The following CDH9 variants were observed in gnomAD, a reference collection of about 807,000 sequenced individuals.
CDH9 encodes the protein cadherin-9.
CDH9 carries 28 observed loss-of-function variants against 70.9 expected under a neutral mutation model. The ratio of observed to expected loss-of-function variants is 0.40; its 90% CI spans 0.29 to 0.54. The LOEUF is 0.54. CDH9 is among the 20% of genes least tolerant of loss of function. The pLI, the probability that CDH9 is intolerant of heterozygous loss-of-function variation, is 0.59. For synonymous variants in CDH9, 409 were observed against 343.1 expected (o/e 1.19, Z -2.12); for missense variants, 874 against 984.4 (o/e 0.89, Z 1.50).
At chr5:27,003,857 T>A (rs967563225) in intron 1 of CDH9, among the ~76,000 whole-genome samples, 7 of 151,812 alleles carry the variant, frequency 4.6e-5, no homozygotes, top group Non-Finnish European at 1.0e-4. Context: ...AACTATAAAG[T>A]TTAAATATAA....
At chr5:27,004,777 A>T (rs1006077712) in intron 1 of CDH9, among the ~76,000 whole-genome samples, 7 of 152,160 alleles carry the variant, frequency 4.6e-5, no homozygotes, top group African/African-American at 1.7e-4. Flanking sequence ...TCCAAGTGGA[A>T]ATAATAACTC....
intron 2 of CDH9, among the ~76,000 whole-genome samples, chr5:26,955,721 C>T (rs1036152736): frequency 5.3e-5 from 8 of 152,054 alleles, no homozygotes; most frequent in African/African-American, 1.9e-4. Flanking sequence ...ATTTAGGAGC[C>T]ATCATTCATC....
intron 7 of CDH9, among the ~76,000 whole-genome samples, chr5:26,897,324 C>G (rs947185917): frequency 6.6e-6 from 1 of 151,996 alleles, no homozygotes; most frequent in Non-Finnish European, 1.5e-5. Context: ...TTTTATGAGG[C>G]CAGCATCTTT....
chr5:27,024,896 A>C (rs1227372964), intron 1 of CDH9, among the ~76,000 whole-genome samples: 2 of 152,114 alleles, frequency 1.3e-5, no homozygotes, highest in Non-Finnish European at 2.9e-5. Flanking sequence ...TAGGAGACAT[A>C]GAGTTAGCAC....
rs544960513 is a variant in CDH9 at position 27,034,580 on chromosome 5, T to C, written c.-50+3883A>G. On this transcript the variant is annotated intron_variant, in intron 1 of 11. Coordinates refer to ENST00000231021, the MANE Select transcript of CDH9 (RefSeq NM_016279.4). Reference sequence around the variant, plus strand: ...ATAAATAAATAATACATCTCTCTCTTACACACACACACACACGCACACAGA... The same window carrying C: ...ATAAATAAATAATACATCTCTCTCTCACACACACACACACACGCACACAGA... 1.3e-3 allele frequency among the ~76,000 whole-genome samples: 199 copies of C among 149,994 alleles called. 1 individual carries two copies. Among genetic ancestry groups the C allele is most frequent in the African/African-American group, 4.8e-3 (197 of 41,136 alleles).
At chr5:26,909,132 C>T (rs995189293) in intron 3 of CDH9, among the ~76,000 whole-genome samples, 7 of 151,526 alleles carry the variant, frequency 4.6e-5, no homozygotes, top group Non-Finnish European at 7.4e-5. Flanking sequence ...TACAGGTGCC[C>T]GCCACCAAGC....
chr5:26,952,133 T>A (rs1320964251), intron 2 of CDH9, among the ~76,000 whole-genome samples: 2 of 150,828 alleles, frequency 1.3e-5, no homozygotes, highest in South Asian at 4.2e-4. Flanking sequence ...CTGGCTAATT[T>A]TTGTATTTTT....
chr5:27,019,599 C>G (rs1258494613), intron 1 of CDH9, among the ~76,000 whole-genome samples: 1 of 151,748 alleles, frequency 6.6e-6, no homozygotes, highest in Admixed American at 6.6e-5. Flanking sequence ...ATGCTGAAAT[C>G]AAGCTCATGG....
intron 1 of CDH9, among the ~76,000 whole-genome samples, chr5:26,989,714 A>C (rs772562772): frequency 3.3e-5 from 5 of 152,096 alleles, no homozygotes; most frequent in Non-Finnish European, 7.4e-5. Flanking sequence ...TACCTTGTTT[A>C]AGCCAGAAAC....
chr5:26,908,682 C>T (rs985094694), intron 3 of CDH9, among the ~76,000 whole-genome samples: 5 of 152,020 alleles, frequency 3.3e-5, no homozygotes, highest in Admixed American at 1.3e-4. Flanking sequence ...TACGCAAGGA[C>T]GCTTAACAAA....
intron 2 of CDH9, among the ~76,000 whole-genome samples, chr5:26,956,997 A>T (rs1448203737): frequency 1.1e-5 from 1 of 88,096 alleles, no homozygotes. Context: ...TTGTCTTTCC[A>T]TGTGCTTTTT....
intron 3 of CDH9, among the ~76,000 whole-genome samples, chr5:26,912,816 C>A (rs2112001786): frequency 6.6e-6 from 1 of 152,168 alleles, no homozygotes; most frequent in Admixed American, 6.5e-5. Flanking sequence ...AATTGTGACT[C>A]CCACAATTCC....
chr5:26,912,640 T>C (rs1200793006), intron 3 of CDH9, among the ~76,000 whole-genome samples: 4 of 151,978 alleles, frequency 2.6e-5, no homozygotes, highest in Admixed American at 6.6e-5. Context: ...AAGATACTAA[T>C]TTACAGGAGT....
intron 1 of CDH9, among the ~76,000 whole-genome samples, chr5:26,996,784 A>C (rs925852906): frequency 1.3e-5 from 2 of 151,618 alleles, no homozygotes; most frequent in Admixed American, 6.6e-5. Flanking sequence ...ATATAGATAT[A>C]GATATGGATA....
chr5:27,016,678 A>G (rs569975372), intron 1 of CDH9, among the ~76,000 whole-genome samples: 1 of 151,978 alleles, frequency 6.6e-6, no homozygotes, highest in East Asian at 1.9e-4. Flanking sequence ...CAAATTATCC[A>G]TAAAATAAAT....
At chr5:26,934,129 G>C (rs1270839441) in intron 2 of CDH9, among the ~76,000 whole-genome samples, 2 of 152,052 alleles carry the variant, frequency 1.3e-5, no homozygotes, top group African/African-American at 4.8e-5. Flanking sequence ...GGGGAGAAAG[G>C]TGCTAGGTTC....
rs540736962 is a variant in CDH9 at position 26,915,500 on chromosome 5, A to G, written c.523+130T>C. On this transcript the variant is annotated intron_variant, in intron 3 of 11. Transcript: ENST00000231021. ...AAATAAAAATAGAAGAGCTAGTTTA[A>G]GCTAAATAGTAGTTAACAGTTATAA... 368 of 583,606 alleles carry G rather than the reference A, an allele frequency of 6.3e-4. 3 individuals are homozygous for G. The highest frequency in any genetic ancestry group is 6.2e-3 in the African/African-American group (335 of 53,952). The allele number at this position is 583,606 out of a possible 1,614,324, so 36.2% of individuals were successfully genotyped here. A position where few individuals can be genotyped will look rare whatever the true frequency, so the allele number is the denominator to read the frequency against.
chr5:26,943,309 T>C (rs1842252), intron 2 of CDH9, among the ~76,000 whole-genome samples: 121,037 of 151,852 alleles, frequency 0.8, 51,014 homozygotes, highest in East Asian at 0.99. Flanking sequence ...GTCGGGAGTT[T>C]GAGACCAGCC....
intron 7 of CDH9, among the ~76,000 whole-genome samples, chr5:26,896,714 TG>T (rs986833886): frequency 1.3e-5 from 2 of 151,622 alleles, no homozygotes; most frequent in African/African-American, 4.8e-5. Context: ...CAGGAGAAAG[TG>T]GGAAAGAGCT....
Sources: gnomAD v4.1 joint callset for allele counts (sites outside exome capture counted in the v4.1 genomes callset) on GRCh38, gnomAD v4.1.1 for gene constraint, MANE v1.5 for transcripts, NCBI Gene and HGNC (gene_info 2026-07-23, HGNC 2026-07-21) for gene names.